The following SOS2 variants were observed in gnomAD, a reference collection of about 807,000 sequenced individuals.
SOS2 encodes the protein son of sevenless homolog 2.
Under a neutral mutation model 148.2 loss-of-function variants are expected in SOS2, and 65 were observed. That is an observed-to-expected ratio of 0.44 (90% CI 0.36 to 0.54). SOS2 has a LOEUF of 0.54. Among genes scored for constraint, SOS2 ranks in the 20% least tolerant of loss-of-function variants. SOS2 has a pLI of 0.00. For synonymous variants in SOS2, 539 were observed against 537.1 expected (o/e 1.00, Z -0.05); for missense variants, 1,341 against 1,590.2 (o/e 0.84, Z 2.67).
chr14:50,219,889 G>C (rs191531957), intron 1 of SOS2, among the ~76,000 whole-genome samples: 1 of 152,078 alleles, frequency 6.6e-6, no homozygotes, highest in African/African-American at 2.4e-5. Context: ...ATCTTGCTCT[G>C]TCACCCAGGC....
intron 8 of SOS2, among the ~76,000 whole-genome samples, chr14:50,173,821 T>G (rs1010060901): frequency 3.3e-4 from 51 of 152,310 alleles, no homozygotes; most frequent in African/African-American, 1.2e-3. Flanking sequence ...TATGCTGGCT[T>G]CATATGAATA....
chr14:50,214,882 A>C (rs1303647612), intron 1 of SOS2, among the ~76,000 whole-genome samples: 1 of 145,070 alleles, frequency 6.9e-6, no homozygotes, highest in Non-Finnish European at 1.5e-5. Context: ...GTCCCCCAGG[A>C]TGGAGTGCAG....
At chr14:50,187,302 T>C (rs1885945466) in intron 5 of SOS2, among the ~76,000 whole-genome samples, 1 of 151,470 alleles carries the variant, frequency 6.6e-6, no homozygotes, top group South Asian at 2.1e-4. Flanking sequence ...CATGAGCCAC[T>C]GCACCTGGCC....
Position 50,145,236 on chromosome 14 carries a change from A to G in SOS2, c.2601T>C (p.Asn867=). ...CTGCACTGACTATCTCCAATACGCC[A>G]TTGAAATTATTCAAATCTTGAAAAA... ...LQVFQDLNNF[N]GVLEIVSAVN... Residue 867 remains asparagine, a synonymous_variant, in exon 16 of 23, where the codon AAT becomes AAC. Transcript: ENST00000216373. 1 of 1,611,250 alleles carries G rather than the reference A, an allele frequency of 6.2e-7. No individual in the cohort carries two copies. The highest frequency in any genetic ancestry group is 8.5e-7 in the Non-Finnish European group (1 of 1,177,566).
Position 50,157,137 on chromosome 14 carries a change from A to G in SOS2, c.1935-16T>C, listed in dbSNP as rs750298172. 5 of 1,606,702 alleles carry G rather than the reference A, an allele frequency of 3.1e-6. No homozygotes were observed. The highest frequency in any genetic ancestry group is 4.2e-6 in the Non-Finnish European group (5 of 1,176,832). ...AATTTCAAACCTAAGAAGAAAAGCA[A>G]AAGGAGAAAAATCCGTTCATACATA... On this transcript the variant is annotated splice_polypyrimidine_tract_variant and intron_variant, in intron 11 of 22. Transcript: ENST00000216373.
chr14:50,124,306 C>T (rs1883618805), intron 21 of SOS2, among the ~76,000 whole-genome samples: 1 of 152,040 alleles, frequency 6.6e-6, no homozygotes, highest in Non-Finnish European at 1.5e-5. Flanking sequence ...CAAGAGAGAC[C>T]AAGCAGTGAC....
chr14:50,214,699 T>TC, intron 1 of SOS2, among the ~76,000 whole-genome samples: 1 of 150,940 alleles, frequency 6.6e-6, no homozygotes, highest in African/African-American at 2.4e-5. Context: ...TAAGGCCGTT[T>TC]CTTTTTTTTT....
rs768403750 is a variant in SOS2, at chr14:50,134,219, G to C, written c.2979C>G (p.Asn993Lys). Residue 993 changes from asparagine to lysine, a missense_variant, in exon 19 of 23, where the codon AAC (asparagine) becomes AAG (lysine). Transcript: ENST00000216373. ...CTTTTTCAGATGCACTTCCCATGGG[G>C]TTAAGGTTTTCAAAGAATCTCTGGA... ...PDMRRFFENL[N>K]PMGSASEKEF... is the part of the protein sequence containing the mutation. 6 of 1,576,678 alleles carry C rather than the reference G, an allele frequency of 3.8e-6. No homozygotes were observed. The South Asian group carries it at 6.8e-5, about 18-fold the overall frequency.
At chr14:50,228,464 G>A (rs1261175799) in intron 1 of SOS2, among the ~76,000 whole-genome samples, 2 of 152,008 alleles carry the variant, frequency 1.3e-5, no homozygotes, top group East Asian at 3.8e-4. Flanking sequence ...TTATTAAATT[G>A]CCTATAAATA....
intron 12 of SOS2, 49 bp downstream of exon 12, chr14:50,156,950 T>C (rs1884839623): frequency 1.1e-6 from 1 of 919,532 alleles, no homozygotes; most frequent in Non-Finnish European, 1.7e-6. Context: ...TGTGTGTGTG[T>C]GTATATATAT....
chr14:50,187,345 C>CTTTTT (rs5808541), intron 5 of SOS2, among the ~76,000 whole-genome samples: 2 of 115,166 alleles, frequency 1.7e-5, no homozygotes, highest in African/African-American at 3.2e-5. Context: ...ATTATTGTTA[C>CTTTTT]TTTTTTTTTT....
chr14:50,212,984 T>C (rs1886928202), intron 1 of SOS2, among the ~76,000 whole-genome samples: 1 of 152,218 alleles, frequency 6.6e-6, no homozygotes, highest in Non-Finnish European at 1.5e-5. Context: ...GGTCCAAAAC[T>C]TTATCTCTCA....
chr14:50,215,062 T>C (rs1276781499), intron 1 of SOS2, among the ~76,000 whole-genome samples: 5 of 151,594 alleles, frequency 3.3e-5, no homozygotes, highest in Non-Finnish European at 5.9e-5. Context: ...GGTTTTGATC[T>C]CCTGACCTCG....
chr14:50,168,802 CT>C (rs1180895783), intron 8 of SOS2, among the ~76,000 whole-genome samples: 1 of 152,114 alleles, frequency 6.6e-6, no homozygotes, highest in Non-Finnish European at 1.5e-5. Flanking sequence ...TATTACATCC[CT>C]TTAGTAGTAG....
rs1271341173 is a variant in SOS2 at position 50,118,545 on chromosome 14, G to C, written c.3798C>G (p.Pro1266=). The C allele has an allele frequency of 6.2e-7, 1 of 1,614,140 alleles. No homozygotes were observed. Among genetic ancestry groups the C allele is most frequent in the Non-Finnish European group, 8.5e-7 (1 of 1,180,004 alleles). ...AGCATCGACGCGGTACCCTTGGAGA[G>C]GGTGTGCTAGGAGGAGTGCTTGGCG... The part of the protein sequence containing the change: ...PNSPSTPPST[P]SPRVPRRCYV... The change falls in exon 23 of 23, where the codon CCC becomes CCG. Residue 1266 remains proline, a synonymous_variant. Coordinates refer to ENST00000216373, the MANE Select transcript of SOS2 (RefSeq NM_006939.4).
At chr14:50,154,325 C>T (rs1337863921) in intron 12 of SOS2, among the ~76,000 whole-genome samples, 1 of 152,154 alleles carries the variant, frequency 6.6e-6, no homozygotes, top group African/African-American at 2.4e-5. Flanking sequence ...CTACATCCAG[C>T]AGTATGGCTA....
At chr14:50,169,538 G>T (rs530541353) in intron 8 of SOS2, among the ~76,000 whole-genome samples, 2 of 151,776 alleles carry the variant, frequency 1.3e-5, no homozygotes, top group Non-Finnish European at 2.9e-5. Flanking sequence ...TACTTGGGAG[G>T]CTGAGGCAGG....
intron 7 of SOS2, 21 bp downstream of exon 7, chr14:50,180,551 A>C (rs1208770721): frequency 2.7e-6 from 3 of 1,097,480 alleles, no homozygotes; most frequent in Admixed American, 4.9e-5. Flanking sequence ...AAAAAAAAAA[A>C]AACCTTCAAT....
intron 5 of SOS2, among the ~76,000 whole-genome samples, chr14:50,183,385 T>C (rs1365762990): frequency 6.7e-6 from 1 of 149,102 alleles, no homozygotes; most frequent in Non-Finnish European, 1.5e-5. Flanking sequence ...GACTTGCTTG[T>C]ACAAAAAAAA....
Sources: allele counts gnomAD v4.1 joint callset (sites outside exome capture counted in the v4.1 genomes callset), GRCh38; gene constraint gnomAD v4.1.1; transcripts MANE v1.5; gene names NCBI Gene and HGNC (gene_info 2026-07-23, HGNC 2026-07-21).